ATOSA: variants seen among roughly 807,000 people sequenced by gnomAD.
ATOSA encodes atos homolog A.
chr15:52,673,675 T>A, the ATOSA span, among the ~76,000 whole-genome samples: 1 of 152,244 alleles, frequency 6.6e-6, no homozygotes, highest in East Asian at 1.9e-4. Flanking sequence ...CTAGTCAGTA[T>A]TTCTTCTCCA....
chr15:52,684,031 A>G, the ATOSA span, among the ~76,000 whole-genome samples: 1 of 152,348 alleles, frequency 6.6e-6, no homozygotes, highest in South Asian at 2.1e-4. Flanking sequence ...TTAAGGGCAG[A>G]TGGACTGACT....
At chr15:52,669,143 G>A in the ATOSA span, among the ~76,000 whole-genome samples, 1 of 152,052 alleles carries the variant, frequency 6.6e-6, no homozygotes, top group Non-Finnish European at 1.5e-5. Flanking sequence ...GGATGGTCTC[G>A]ATCTCCTGAT....
the ATOSA span, among the ~76,000 whole-genome samples, chr15:52,589,154 A>C: frequency 6.6e-6 from 1 of 152,204 alleles, no homozygotes. Flanking sequence ...GCACATCAAC[A>C]AACTGCAACC....
chr15:52,665,614 T>C, the ATOSA span, among the ~76,000 whole-genome samples: 1 of 152,198 alleles, frequency 6.6e-6, no homozygotes, highest in Non-Finnish European at 1.5e-5. Flanking sequence ...TGTATATACT[T>C]TGATCAAGTA....
At chr15:52,644,793 T>C in the ATOSA span, among the ~76,000 whole-genome samples, 71 of 152,046 alleles carry the variant, frequency 4.7e-4, no homozygotes, top group African/African-American at 1.6e-3. Context: ...AGGGCAAAAA[T>C]TGTCAAAAAT....
At chr15:52,595,910 G>A in the ATOSA span, among the ~76,000 whole-genome samples, 320 of 151,968 alleles carry the variant, frequency 2.1e-3, no homozygotes, top group Non-Finnish European at 3.6e-3. Flanking sequence ...AGGAGTTTAC[G>A]AAAAGCCTGT....
the ATOSA span, among the ~76,000 whole-genome samples, chr15:52,688,202 G>A: frequency 6.6e-6 from 1 of 152,216 alleles, no homozygotes; most frequent in Non-Finnish European, 1.5e-5. Context: ...TAGTGAATTT[G>A]GAATTTCTTG....
At chr15:52,688,816 G>A in the ATOSA span, among the ~76,000 whole-genome samples, 9 of 152,178 alleles carry the variant, frequency 5.9e-5, no homozygotes, top group Non-Finnish European at 1.0e-4. Context: ...TGGCTGTTGT[G>A]GAAAAGTCGA....
chr15:52,689,537 G>A, the ATOSA span, among the ~76,000 whole-genome samples: 1 of 152,172 alleles, frequency 6.6e-6, no homozygotes, highest in South Asian at 2.1e-4. Flanking sequence ...GCCTTTAATA[G>A]TAAGGTAGCA....
chr15:52,675,387 A>C, the ATOSA span, among the ~76,000 whole-genome samples: 1 of 151,932 alleles, frequency 6.6e-6, no homozygotes, highest in Admixed American at 6.6e-5. Flanking sequence ...AAAAGAATTA[A>C]GGCATTTTTC....
the ATOSA span, among the ~76,000 whole-genome samples, chr15:52,709,332 A>G: frequency 2.6e-5 from 4 of 152,110 alleles, no homozygotes; most frequent in Non-Finnish European, 5.9e-5. Flanking sequence ...GTCACCTATC[A>G]TTGCAAAATC....
At chr15:52,678,436 G>T in the ATOSA span, 7 of 178,906 alleles carry the variant, frequency 3.9e-5, no homozygotes, top group East Asian at 1.5e-4. Context: ...TAACCCCTTC[G>T]TACAAAAACG....
chr15:52,630,656 C>A, the ATOSA span, among the ~76,000 whole-genome samples: 1,985 of 152,256 alleles, frequency 0.013, 57 homozygotes, highest in African/African-American at 0.046. Context: ...AGTACATACT[C>A]TACAACTCAA....
chr15:52,692,069 G>A, the ATOSA span, among the ~76,000 whole-genome samples: 1 of 151,870 alleles, frequency 6.6e-6, no homozygotes, highest in African/African-American at 2.4e-5. Flanking sequence ...AAAATGAAAA[G>A]TAGTCCTCCA....
At chr15:52,626,541 A>AG in the ATOSA span, among the ~76,000 whole-genome samples, 2 of 151,540 alleles carry the variant, frequency 1.3e-5, no homozygotes, top group African/African-American at 4.9e-5. Context: ...AAAAAAAAAA[A>AG]AGAGAGCGAG....
chr15:52,619,402 T>C, the ATOSA span, among the ~76,000 whole-genome samples: 175 of 152,346 alleles, frequency 1.1e-3, 4 homozygotes, highest in East Asian at 0.029. Flanking sequence ...TCTAACTTGA[T>C]ATTTTGAGGA....
At chr15:52,642,730 C>T in the ATOSA span, among the ~76,000 whole-genome samples, 2 of 152,216 alleles carry the variant, frequency 1.3e-5, no homozygotes, top group Non-Finnish European at 2.9e-5. Flanking sequence ...TCTCCCATAT[C>T]TGACTCCTCA....
chr15:52,613,896 T>A, the ATOSA span: 2 of 1,551,928 alleles, frequency 1.3e-6, no homozygotes, highest in Non-Finnish European at 1.8e-6. Context: ...CAATTTAATG[T>A]ACTCTTAGTA....
At chr15:52,626,544 A>G in the ATOSA span, among the ~76,000 whole-genome samples, 7,380 of 148,106 alleles carry the variant, frequency 0.05, 337 homozygotes, top group East Asian at 0.25. Flanking sequence ...AAAAAAAAAG[A>G]GAGCGAGAGA....
Sources: allele counts gnomAD v4.1 joint callset (sites outside exome capture counted in the v4.1 genomes callset), GRCh38; gene constraint gnomAD v4.1.1; transcripts MANE v1.5; gene names NCBI Gene and HGNC (gene_info 2026-07-23, HGNC 2026-07-21).